Variants in ROBO2 observed in about 807,000 individuals in gnomAD.
The protein encoded by ROBO2 is roundabout homolog 2.
Under a neutral mutation model 160.8 loss-of-function variants are expected in ROBO2, and 53 were observed. That is an observed-to-expected ratio of 0.33 (90% CI 0.26 to 0.41). The LOEUF (loss-of-function observed/expected upper bound fraction) is 0.41. Among genes scored for constraint, ROBO2 ranks in the 10% least tolerant of loss-of-function variants. The probability of loss-of-function intolerance (pLI) is 1.00; values close to 1 mark genes in which losing one functional copy is unlikely to be tolerated. For missense variants in ROBO2, 1,577 were observed against 1,722.4 expected (o/e 0.92, Z 1.49); for synonymous variants, 664 against 611.7 (o/e 1.09, Z -1.26).
chr3:76,532,965 AG>A (rs1174529407), intron 2 of ROBO2, among the ~76,000 whole-genome samples: 48 of 152,346 alleles, frequency 3.2e-4, no homozygotes, highest in African/African-American at 1.2e-3. Context: ...ACTAGTAGAA[AG>A]AAAATAATCC....
intron 2 of ROBO2, among the ~76,000 whole-genome samples, chr3:76,153,059 T>C (rs1306615570): frequency 2.0e-5 from 3 of 152,194 alleles, no homozygotes. Context: ...ATTAGTTAAC[T>C]ATGAGTAAAT....
intron 2 of ROBO2, among the ~76,000 whole-genome samples, chr3:76,275,755 A>G (rs1207617694): frequency 6.6e-6 from 1 of 152,144 alleles, no homozygotes; most frequent in Admixed American, 6.6e-5. Flanking sequence ...GAAGTTTAAC[A>G]TTTTCAATAC....
intron 2 of ROBO2, among the ~76,000 whole-genome samples, chr3:76,161,707 A>C (rs2072646244): frequency 6.6e-6 from 1 of 152,068 alleles, no homozygotes; most frequent in Non-Finnish European, 1.5e-5. Flanking sequence ...TGCAGCATAC[A>C]AGTTTTCCCT....
rs116301532 is a variant in ROBO2 at position 76,573,815 on chromosome 3, C to T, written c.110-524199C>T. On this transcript the variant is annotated intron_variant, in intron 2 of 26. Coordinates refer to the ROBO2 transcript ENST00000487694. Reference sequence around the variant, plus strand: ...TTGGGCACTTTTTGGAATGATCCACCGCATGGGGAAACTCTTGCTCTCTTC... The same window carrying T: ...TTGGGCACTTTTTGGAATGATCCACTGCATGGGGAAACTCTTGCTCTCTTC... Among the ~76,000 whole-genome samples the T allele has an allele frequency of 3.3e-3, 495 of 152,112 alleles. 3 individuals are homozygous for T. The highest frequency in any genetic ancestry group is 0.012 in the African/African-American group (484 of 41,512).
intron 1 of ROBO2, among the ~76,000 whole-genome samples, chr3:77,054,711 A>C (rs1340657199): frequency 4.6e-5 from 7 of 152,198 alleles, no homozygotes. Context: ...CCAGCATCTC[A>C]GTAAAACAGA....
intron 2 of ROBO2, among the ~76,000 whole-genome samples, chr3:76,741,381 A>G (rs564577966): frequency 1.1e-4 from 16 of 152,248 alleles, no homozygotes; most frequent in African/African-American, 3.4e-4. Context: ...CAGATTTTAA[A>G]TATTTATGTG....
intron 2 of ROBO2, among the ~76,000 whole-genome samples, chr3:77,219,962 T>A (rs563124257): frequency 1.3e-5 from 2 of 151,642 alleles, no homozygotes; most frequent in East Asian, 2.0e-4. Flanking sequence ...GCAATAGAAT[T>A]TGTTCAGAAC....
chr3:77,070,869 G>T lies in ROBO2; in HGVS notation c.62-27145G>T, dbSNP rs192206614. Among the ~76,000 whole-genome samples the T allele has an allele frequency of 8.3e-3, 1,260 of 152,234 alleles. 14 individuals are homozygous for T. The highest frequency in any genetic ancestry group is 0.011 in the Non-Finnish European group (741 of 68,006). On this transcript the variant is annotated intron_variant, in intron 1 of 25. Transcript: ENST00000461745. ...AGTAGAAACAAGGGCAAGCTTTGTG[G>T]GTCCTTGTGAGAAGGAGTGAGAGGT...
chr3:77,469,399 G>A (rs2083123341), intron 2 of ROBO2, among the ~76,000 whole-genome samples: 1 of 152,082 alleles, frequency 6.6e-6, no homozygotes, highest in African/African-American at 2.4e-5. Flanking sequence ...CTTTTTTCAT[G>A]TGCAGAGTAG....
chr3:76,722,319 G>T (rs537376754), intron 2 of ROBO2, among the ~76,000 whole-genome samples: 1 of 151,958 alleles, frequency 6.6e-6, no homozygotes, highest in Non-Finnish European at 1.5e-5. Context: ...ACAGGGTTTC[G>T]CAATGTTGGC....
At chr3:77,114,623 C>G (rs543033184) in intron 2 of ROBO2, among the ~76,000 whole-genome samples, 1 of 152,226 alleles carries the variant, frequency 6.6e-6, no homozygotes, top group Non-Finnish European at 1.5e-5. Context: ...CCATTCAGGT[C>G]TAAGGCAAAT....
intron 2 of ROBO2, among the ~76,000 whole-genome samples, chr3:76,305,064 G>A (rs186338103): frequency 1.1e-4 from 16 of 152,084 alleles, no homozygotes; most frequent in Non-Finnish European, 2.1e-4. Context: ...TGCAGAGTGT[G>A]TTGGTAATAA....
intron 2 of ROBO2, among the ~76,000 whole-genome samples, chr3:76,748,555 G>GA (rs1211789705): frequency 7.3e-5 from 11 of 151,426 alleles, no homozygotes; most frequent in Admixed American, 7.3e-4. Context: ...TTAAAACATG[G>GA]AAAAACAACA....
chr3:77,507,295 T>C (rs2088686267), intron 5 of ROBO2, among the ~76,000 whole-genome samples: 2 of 152,136 alleles, frequency 1.3e-5, no homozygotes, highest in African/African-American at 4.8e-5. Context: ...GGACTGAACA[T>C]CCCTCTGATA....
At chr3:76,217,811 A>C (rs947418855) in intron 2 of ROBO2, among the ~76,000 whole-genome samples, 15 of 152,236 alleles carry the variant, frequency 9.9e-5, no homozygotes, top group African/African-American at 3.6e-4. Context: ...ACCTCATTTT[A>C]TGAGGCCAGC....
intron 2 of ROBO2, among the ~76,000 whole-genome samples, chr3:77,131,576 A>G (rs377610154): frequency 7.2e-5 from 11 of 152,188 alleles, no homozygotes; most frequent in African/African-American, 2.7e-4. Context: ...TAAACCTGCC[A>G]GTAACATAAG....
intron 2 of ROBO2, among the ~76,000 whole-genome samples, chr3:76,551,528 C>T (rs759719754): frequency 2.0e-5 from 3 of 152,086 alleles, no homozygotes; most frequent in African/African-American, 7.2e-5. Flanking sequence ...GGCTGAAACA[C>T]GCCCCCCACC....
chr3:76,962,601 G>C (rs1231271367), intron 2 of ROBO2, among the ~76,000 whole-genome samples: 1 of 141,336 alleles, frequency 7.1e-6, no homozygotes, highest in Non-Finnish European at 1.5e-5. Context: ...TCGTGCCATT[G>C]CACTCTAGCC....
intron 21 of ROBO2, among the ~76,000 whole-genome samples, chr3:77,616,582 G>T (rs2094782415): frequency 6.6e-6 from 1 of 152,072 alleles, no homozygotes; most frequent in Non-Finnish European, 1.5e-5. Context: ...TTTGGAGAAA[G>T]ATTCACTAGG....
Sources: gnomAD v4.1 joint callset for allele counts (sites outside exome capture counted in the v4.1 genomes callset) on GRCh38, gnomAD v4.1.1 for gene constraint, MANE v1.5 for transcripts, NCBI Gene and HGNC (gene_info 2026-07-23, HGNC 2026-07-21) for gene names.